TRAF3IP1: variants seen among roughly 807,000 people sequenced by gnomAD.
TRAF3IP1 encodes intraflagellar transport 54, also known as TRAF3-interacting protein 1.
Under a neutral mutation model 89.9 loss-of-function variants are expected in TRAF3IP1, and 53 were observed. The ratio of observed to expected loss-of-function variants is 0.59; its 90% CI spans 0.47 to 0.74. The LOEUF (loss-of-function observed/expected upper bound fraction) is 0.74. Among genes scored for constraint, TRAF3IP1 ranks in the 30% least tolerant of loss-of-function variants. The pLI is 0.00. For synonymous variants in TRAF3IP1, 311 were observed against 322.1 expected (o/e 0.97, Z 0.37); for missense variants, 806 against 866.1 (o/e 0.93, Z 0.87).
intron 14 of TRAF3IP1, among the ~76,000 whole-genome samples, chr2:238,353,907 G>A (rs1408933433): frequency 6.6e-6 from 1 of 152,150 alleles, no homozygotes; most frequent in African/African-American, 2.4e-5. Context: ...ACAAGTAGCT[G>A]GGACTACAGG....
At chr2:238,363,908 C>T (rs945013688) in intron 15 of TRAF3IP1, among the ~76,000 whole-genome samples, 6 of 151,934 alleles carry the variant, frequency 3.9e-5, no homozygotes, top group African/African-American at 9.7e-5. Context: ...TGCAGCGAGC[C>T]GAGACTGCAC....
At chr2:238,364,801 G>A (rs113404431) in intron 15 of TRAF3IP1, among the ~76,000 whole-genome samples, 7 of 151,902 alleles carry the variant, frequency 4.6e-5, no homozygotes, top group Non-Finnish European at 8.8e-5. Context: ...CTTATAAACC[G>A]TGCCTTGTTC....
At chr2:238,387,660 CA>C (rs1315649572) in intron 15 of TRAF3IP1, among the ~76,000 whole-genome samples, 1 of 151,638 alleles carries the variant, frequency 6.6e-6, no homozygotes, top group Non-Finnish European at 1.5e-5. Context: ...TAGCCCTAGA[CA>C]AAAAAAATAA....
chr2:238,371,389 G>A (rs1028296656), intron 15 of TRAF3IP1, among the ~76,000 whole-genome samples: 14 of 152,164 alleles, frequency 9.2e-5, no homozygotes, highest in Admixed American at 8.5e-4. Flanking sequence ...CAGATTTGCT[G>A]TAGACTTCTC....
chr2:238,342,911 T>C (rs1417787452), intron 8 of TRAF3IP1, among the ~76,000 whole-genome samples: 1 of 152,224 alleles, frequency 6.6e-6, no homozygotes, highest in Non-Finnish European at 1.5e-5. Flanking sequence ...TGATGTAAGC[T>C]GTTTTGAATA....
In TRAF3IP1 at chr2:238,356,087, G is replaced by A. The variant is rs1269306633; in HGVS notation, c.1689+7G>A. 1.9e-6 allele frequency: 3 copies of A among 1,608,970 alleles called. No individual in the cohort carries two copies. Among genetic ancestry groups the A allele is most frequent in the Non-Finnish European group, 1.7e-6 (2 of 1,175,646 alleles). On this transcript the variant is annotated splice_region_variant and intron_variant, in intron 15 of 16. Transcript: ENST00000373327. Reference sequence around the variant, plus strand: ...ACCCAAACCTGGGGAGAAGGTAATGGAATGATTTCCATAAACACTGGCATT... The same window carrying A: ...ACCCAAACCTGGGGAGAAGGTAATGAAATGATTTCCATAAACACTGGCATT...
At chr2:238,344,363 C>T (rs1698793559) in intron 8 of TRAF3IP1, 134 bp from the exon 9 acceptor site, 3 of 704,660 alleles carry the variant, frequency 4.3e-6, no homozygotes, top group South Asian at 3.7e-5. Flanking sequence ...TGCCTTTGGT[C>T]AGTCCTTTGT....
At chr2:238,347,108 C>T in intron 9 of TRAF3IP1, 1 of 247,016 alleles carries the variant, frequency 4.0e-6, no homozygotes, top group Non-Finnish European at 7.8e-6. Context: ...TTGCATCGTT[C>T]CCTCACATTT....
intron 15 of TRAF3IP1, among the ~76,000 whole-genome samples, chr2:238,365,652 GT>G (rs1486334514): frequency 6.6e-6 from 1 of 150,716 alleles, no homozygotes; most frequent in East Asian, 1.9e-4. Flanking sequence ...TGTGAGACCT[GT>G]CTCAAAAAAA....
At chr2:238,366,192 C>T (rs141313405) in intron 15 of TRAF3IP1, among the ~76,000 whole-genome samples, 39 of 152,090 alleles carry the variant, frequency 2.6e-4, no homozygotes, top group African/African-American at 7.7e-4. Context: ...AGATCGCGCG[C>T]GCCACTGCAC....
chr2:238,385,133 A>G (rs1700713998), intron 15 of TRAF3IP1, among the ~76,000 whole-genome samples: 1 of 151,758 alleles, frequency 6.6e-6, no homozygotes. Context: ...CTCCTGCCTC[A>G]GCCTCCCGAG....
chr2:238,375,735 T>G (rs1192088500), intron 15 of TRAF3IP1, among the ~76,000 whole-genome samples: 2 of 152,232 alleles, frequency 1.3e-5, no homozygotes, highest in Non-Finnish European at 2.9e-5. Flanking sequence ...ATCAAACTTT[T>G]CAATCTTTTC....
chr2:238,388,095 C>T (rs1002702413), intron 15 of TRAF3IP1, among the ~76,000 whole-genome samples: 4 of 151,684 alleles, frequency 2.6e-5, no homozygotes, highest in Non-Finnish European at 4.4e-5. Context: ...AAAAATTAGT[C>T]GGGTCCGGTG....
chr2:238,371,683 C>T (rs980263284), intron 15 of TRAF3IP1, among the ~76,000 whole-genome samples: 1 of 152,082 alleles, frequency 6.6e-6, no homozygotes, highest in Admixed American at 6.5e-5. Flanking sequence ...TGAAATATAT[C>T]CTAAGTATAA....
At chr2:238,333,183 G>A (rs1039187280) in intron 6 of TRAF3IP1, among the ~76,000 whole-genome samples, 3 of 152,170 alleles carry the variant, frequency 2.0e-5, no homozygotes, top group Non-Finnish European at 4.4e-5. Flanking sequence ...GTCATTTTGG[G>A]GAGAAGGGGG....
chr2:238,376,340 C>T (rs1449513854), intron 15 of TRAF3IP1, among the ~76,000 whole-genome samples: 1 of 152,190 alleles, frequency 6.6e-6, no homozygotes, highest in Non-Finnish European at 1.5e-5. Flanking sequence ...GGCCGGTCCA[C>T]AGGCTGTAGT....
intron 15 of TRAF3IP1, among the ~76,000 whole-genome samples, chr2:238,360,905 A>G (rs1406689822): frequency 6.6e-6 from 1 of 152,022 alleles, no homozygotes; most frequent in African/African-American, 2.4e-5. Context: ...CATAGTTGTA[A>G]TTTGCATTTC....
chr2:238,388,120 T>C (rs1296340366), intron 15 of TRAF3IP1, among the ~76,000 whole-genome samples: 3 of 152,078 alleles, frequency 2.0e-5, no homozygotes, highest in African/African-American at 4.8e-5. Context: ...ATGCCTGTTA[T>C]CCCAACACTT....
chr2:238,392,059 T>C (rs2106378780), intron 15 of TRAF3IP1, among the ~76,000 whole-genome samples: 1 of 152,284 alleles, frequency 6.6e-6, no homozygotes, highest in East Asian at 1.9e-4. Flanking sequence ...TAACCATAGA[T>C]TCATATCCAG....
Sources: gnomAD v4.1 joint callset for allele counts (sites outside exome capture counted in the v4.1 genomes callset) on GRCh38, gnomAD v4.1.1 for gene constraint, MANE v1.5 for transcripts, NCBI Gene and HGNC (gene_info 2026-07-23, HGNC 2026-07-21) for gene names.